The following PCDHA2 variants were observed in gnomAD, a reference collection of about 807,000 sequenced individuals.
PCDHA2 encodes the protein protocadherin alpha-2.
Under a neutral mutation model 66.0 loss-of-function variants are expected in PCDHA2, and 58 were observed. That is an observed-to-expected ratio of 0.88 (90% CI 0.71 to 1.09). The LOEUF (loss-of-function observed/expected upper bound fraction) is 1.09. Among genes scored for constraint, PCDHA2 ranks in the 50% least tolerant of loss-of-function variants. The pLI is 0.00. For synonymous variants in PCDHA2, 634 were observed against 554.0 expected (o/e 1.14, Z -2.03); for missense variants, 1,267 against 1,242.3 (o/e 1.02, Z -0.30).
rs148102793 is a variant in PCDHA2 at position 140,873,087 on chromosome 5, G to A, written c.2388+75735G>A. Among the ~76,000 whole-genome samples, 818 of 152,138 alleles carry A rather than the reference G, an allele frequency of 5.4e-3. 4 individuals carry two copies. Among genetic ancestry groups the A allele is most frequent in the Middle Eastern group, 0.014 (4 of 294 alleles). On this transcript the variant is annotated intron_variant, in intron 1 of 3. Coordinates refer to ENST00000526136, the MANE Select transcript of PCDHA2 (RefSeq NM_018905.3). ...AATCATATCTAGCTATTTCCCCCCC[G>A]TATAGAGGCATAACATACCATTTGG...
At chr5:140,874,305 A>G (rs2054830761) in intron 1 of PCDHA2, among the ~76,000 whole-genome samples, 1 of 152,116 alleles carries the variant, frequency 6.6e-6, no homozygotes, top group Non-Finnish European at 1.5e-5. Context: ...CTTGTTCACA[A>G]TGAGTTGTAG....
At chr5:140,842,090 A>G in intron 1 of PCDHA2, 1 of 1,613,904 alleles carries the variant, frequency 6.2e-7, no homozygotes, top group Non-Finnish European at 8.5e-7. Flanking sequence ...AAACGCAGAC[A>G]ACGGAACAAC....
rs1192658029 is a variant in PCDHA2 at position 141,011,915 on chromosome 5, A to G, written c.*1978A>G. On this transcript the variant is annotated 3_prime_UTR_variant, in exon 4 of 4. Coordinates refer to ENST00000526136, the MANE Select transcript of PCDHA2 (RefSeq NM_018905.3). Reference sequence around the variant, plus strand: ...ATATTATCTATTTAGGCATTAATATAAAAGAGGTAGGAGTCTGTTATTTAA... The same window carrying G: ...ATATTATCTATTTAGGCATTAATATGAAAGAGGTAGGAGTCTGTTATTTAA... 1 of 153,728 alleles carries G rather than the reference A, an allele frequency of 6.5e-6. No homozygotes were observed. Among genetic ancestry groups the G allele is most frequent in the Admixed American group, 6.5e-5 (1 of 15,286 alleles). 9.5% of individuals were successfully genotyped at this position (153,728 alleles called of 1,614,324 possible). A position where few individuals can be genotyped will look rare whatever the true frequency, so the allele number is the denominator to read the frequency against.
chr5:140,923,012 G>A (rs2081117924), intron 1 of PCDHA2, among the ~76,000 whole-genome samples: 1 of 152,206 alleles, frequency 6.6e-6, no homozygotes, highest in Non-Finnish European at 1.5e-5. Flanking sequence ...TTGTTGGACT[G>A]CAGTTTCGGA....
At chr5:141,009,036 T>C (rs782309668) in intron 3 of PCDHA2, among the ~76,000 whole-genome samples, 7 of 152,242 alleles carry the variant, frequency 4.6e-5, no homozygotes, top group Non-Finnish European at 1.0e-4. Context: ...TCCCATCCCG[T>C]TCCCAGTCAA....
chr5:140,968,632 C>T, intron 1 of PCDHA2: 1 of 1,614,176 alleles, frequency 6.2e-7, no homozygotes, highest in Non-Finnish European at 8.5e-7. Flanking sequence ...GGCTTTTTTA[C>T]CATCTAGCCC....
intron 1 of PCDHA2, among the ~76,000 whole-genome samples, chr5:140,840,577 G>A (rs185474153): frequency 6.6e-6 from 1 of 151,966 alleles, no homozygotes; most frequent in Non-Finnish European, 1.5e-5. Flanking sequence ...GCATGTCAGA[G>A]AAATCATAAA....
In PCDHA2 at chr5:140,830,080, C is replaced by T. The variant is rs2150180869; in HGVS notation, c.2388+32728C>T. The T allele has an allele frequency of 3.1e-6, 5 of 1,613,516 alleles. No individual in the cohort carries two copies. The South Asian group carries it at 5.5e-5, about 18-fold the overall frequency. Reference sequence around the variant, plus strand: ...GTGAGCCGGCGCTGACAGCGACGGCCACGGTTCTGGTGTCGCTGGTGGAGA... The same window carrying T: ...GTGAGCCGGCGCTGACAGCGACGGCTACGGTTCTGGTGTCGCTGGTGGAGA... On this transcript the variant is annotated intron_variant, in intron 1 of 3. Transcript: ENST00000526136.
intron 1 of PCDHA2, among the ~76,000 whole-genome samples, chr5:140,961,545 C>A (rs1486984950): frequency 6.6e-6 from 1 of 152,146 alleles, no homozygotes; most frequent in Non-Finnish European, 1.5e-5. Flanking sequence ...GTTCCTGCAG[C>A]ATTTCTTTTT....
chr5:141,000,782 C>T (rs149032263), intron 3 of PCDHA2, among the ~76,000 whole-genome samples: 174 of 152,002 alleles, frequency 1.1e-3, no homozygotes, highest in African/African-American at 3.9e-3. Flanking sequence ...TGGCGCACAC[C>T]TGTATTCCTA....
chr5:140,898,035 TG>T (rs1376690690), intron 1 of PCDHA2, among the ~76,000 whole-genome samples: 1 of 152,120 alleles, frequency 6.6e-6, no homozygotes, highest in Non-Finnish European at 1.5e-5. Flanking sequence ...TTGATGGGGT[TG>T]TTTGTTTTTT....
At chr5:140,846,915 C>G (rs1464406518) in intron 1 of PCDHA2, among the ~76,000 whole-genome samples, 1 of 149,458 alleles carries the variant, frequency 6.7e-6, no homozygotes, top group Non-Finnish European at 1.5e-5. Context: ...CAATCATTTC[C>G]TATTTGAATT....
At chr5:140,854,883 G>A (rs1356000756) in intron 1 of PCDHA2, among the ~76,000 whole-genome samples, 2 of 149,592 alleles carry the variant, frequency 1.3e-5, no homozygotes, top group Admixed American at 1.3e-4. Flanking sequence ...TGTCTTTTGG[G>A]CATTTGAAAA....
Position 140,827,976 on chromosome 5 carries a change from C to T in PCDHA2, c.2388+30624C>T, listed in dbSNP as rs1769473350. The T allele has an allele frequency of 1.3e-5, 18 of 1,405,264 alleles. No individual in the cohort carries two copies. In the Middle Eastern group the frequency reaches 7.7e-4, roughly 60 times the overall value. 87.0% of individuals were successfully genotyped at this position (1,405,264 alleles called of 1,614,324 possible). On this transcript the variant is annotated intron_variant, in intron 1 of 3. Coordinates refer to ENST00000526136, the MANE Select transcript of PCDHA2 (RefSeq NM_018905.3). Reference sequence around the variant, plus strand: ...ATTTCTTCTATTACTGCATCATTCCCTGACTGTTGAATGATGGCGGACGCA... The same window carrying T: ...ATTTCTTCTATTACTGCATCATTCCTTGACTGTTGAATGATGGCGGACGCA...
At chr5:140,970,252 T>G (rs2096392828) in intron 1 of PCDHA2, among the ~76,000 whole-genome samples, 1 of 152,234 alleles carries the variant, frequency 6.6e-6, no homozygotes, top group South Asian at 2.1e-4. Flanking sequence ...GTTGACAGTT[T>G]CTATGGTTTT....
chr5:141,000,416 TATA>T lies in PCDHA2; in HGVS notation c.2537-9210_2537-9208del, dbSNP rs1254571264. Among the ~76,000 whole-genome samples the T allele has an allele frequency of 5.1e-3, 472 of 93,246 alleles. 2 individuals carry two copies. Among genetic ancestry groups the T allele is most frequent in the Non-Finnish European group, 6.8e-3 (330 of 48,634 alleles). 61.2% of individuals were successfully genotyped at this position (93,246 alleles called of 152,430 possible). On this transcript the variant is annotated intron_variant, in intron 3 of 3. Transcript: ENST00000526136. ...CTCTCTATATATATATATATATATA[TATA>T]TATTTTTTTTTTTTTTTTTTTTTTT...
At chr5:140,923,264 C>T (rs2081280629) in intron 1 of PCDHA2, among the ~76,000 whole-genome samples, 1 of 152,170 alleles carries the variant, frequency 6.6e-6, no homozygotes, top group Admixed American at 6.5e-5. Flanking sequence ...CATAGTGAGA[C>T]CTTGTCTCTA....
intron 1 of PCDHA2, chr5:140,883,930 C>A: frequency 2.5e-6 from 4 of 1,613,066 alleles, no homozygotes; most frequent in Non-Finnish European, 3.4e-6. Flanking sequence ...TGCAGGTGTT[C>A]GTGCTGGACG....
chr5:140,929,311 A>G lies in PCDHA2; in HGVS notation c.2389-49638A>G, dbSNP rs782099747. The stretch of plus-strand genomic sequence containing the variant: ...TCGGAATAGGAAAGGGGATCACGCT[A>G]ATGTCAATGCCATGGTAAGCAAATT... On this transcript the variant is annotated intron_variant, in intron 1 of 3. Coordinates refer to ENST00000526136, the MANE Select transcript of PCDHA2 (RefSeq NM_018905.3). The G allele has an allele frequency of 1.9e-6, 3 of 1,567,640 alleles. No individual in the cohort carries two copies. The South Asian group carries it at 3.5e-5, about 18-fold the overall frequency.
Sources: gnomAD v4.1 joint callset for allele counts (sites outside exome capture counted in the v4.1 genomes callset) on GRCh38, gnomAD v4.1.1 for gene constraint, MANE v1.5 for transcripts, NCBI Gene and HGNC (gene_info 2026-07-23, HGNC 2026-07-21) for gene names.